The following CYYR1 variants were observed in gnomAD, a reference collection of about 807,000 sequenced individuals.
CYYR1 encodes the protein cysteine and tyrosine rich 1, also known as cysteine and tyrosine-rich protein 1.
A neutral mutation model predicts 15.2 loss-of-function variants in CYYR1; 14 were observed. The ratio of observed to expected loss-of-function variants is 0.92; its 90% CI spans 0.61 to 1.44. The LOEUF is 1.44. Among genes scored for constraint, CYYR1 ranks in the 40% most tolerant of loss-of-function variants. CYYR1 has a pLI of 0.00. For missense variants in CYYR1, 228 were observed against 209.5 expected (o/e 1.09, Z -0.54); for synonymous variants, 80 against 77.4 (o/e 1.03, Z -0.18).
intron 2 of CYYR1, among the ~76,000 whole-genome samples, chr21:26,546,682 T>C: frequency 6.6e-6 from 1 of 152,206 alleles, no homozygotes; most frequent in East Asian, 1.9e-4. Flanking sequence ...CATTTAAATA[T>C]CTTACTTTTG....
chr21:26,470,708 G>A (rs2065023062), intron 3 of CYYR1: 1 of 152,268 alleles, frequency 6.6e-6, no homozygotes, highest in Non-Finnish European at 1.5e-5. Flanking sequence ...CTTTATAGCA[G>A]TGTGAGAATG....
intron 2 of CYYR1, among the ~76,000 whole-genome samples, chr21:26,555,020 C>T (rs222964): frequency 0.8 from 121,017 of 152,068 alleles, 48,206 homozygotes; most frequent in East Asian, 0.87. Flanking sequence ...TATTCCCTGT[C>T]TACACATGAA....
At position 26,467,508 on chromosome 21, in the gene CYYR1, T is replaced by C. The variant is rs574397422; in HGVS notation, c.*993A>G. Reference sequence around the variant, plus strand: ...ATTTTTGCGAGTCTGTTGTGTATCTTCATGGTCAAGTTCTGAGATTTTTGC... The same window carrying C: ...ATTTTTGCGAGTCTGTTGTGTATCTCCATGGTCAAGTTCTGAGATTTTTGC... On this transcript the variant is annotated 3_prime_UTR_variant, in exon 4 of 4. Coordinates refer to ENST00000652641, the MANE Select transcript of CYYR1 (RefSeq NM_001320768.2). 75 of 152,310 alleles carry C rather than the reference T, an allele frequency of 4.9e-4. No individual in the cohort carries two copies. Among genetic ancestry groups the C allele is most frequent in the African/African-American group, 1.8e-3 (74 of 41,580 alleles). 9.4% of individuals were successfully genotyped at this position (152,310 alleles called of 1,614,324 possible). A position where few individuals can be genotyped will look rare whatever the true frequency, so the allele number is the denominator to read the frequency against.
chr21:26,566,734 G>T (rs149977792), intron 1 of CYYR1, among the ~76,000 whole-genome samples: 10 of 152,276 alleles, frequency 6.6e-5, no homozygotes, highest in Admixed American at 1.3e-4. Flanking sequence ...TCTTGGCCAG[G>T]CAAAATGGCT....
chr21:26,522,895 A>G (rs536261877), intron 2 of CYYR1, among the ~76,000 whole-genome samples: 12 of 152,336 alleles, frequency 7.9e-5, no homozygotes, highest in African/African-American at 2.4e-4. Context: ...ACAACAAACA[A>G]TAGGCATGAA....
chr21:26,529,990 C>T (rs116279196), intron 2 of CYYR1, among the ~76,000 whole-genome samples: 2,974 of 152,234 alleles, frequency 0.02, 111 homozygotes, highest in African/African-American at 0.068. Flanking sequence ...TATATATCAA[C>T]GGAAATACTG....
At chr21:26,472,696 A>G (rs145497070) in intron 3 of CYYR1, among the ~76,000 whole-genome samples, 1 of 152,224 alleles carries the variant, frequency 6.6e-6, no homozygotes, top group East Asian at 1.9e-4. Flanking sequence ...ACAAAATTAT[A>G]TATCTTTTAA....
intron 2 of CYYR1, among the ~76,000 whole-genome samples, chr21:26,520,576 T>C (rs562105834): frequency 6.6e-6 from 1 of 152,306 alleles, no homozygotes; most frequent in South Asian, 2.1e-4. Context: ...ATGATTTATG[T>C]TCCTTTGGGT....
At chr21:26,506,155 C>G (rs1331840276) in intron 2 of CYYR1, among the ~76,000 whole-genome samples, 1 of 152,156 alleles carries the variant, frequency 6.6e-6, no homozygotes, top group Admixed American at 6.5e-5. Context: ...TCAGATTTCC[C>G]TCTCCATCTA....
At chr21:26,482,058 T>C (rs1459982950) in intron 2 of CYYR1, among the ~76,000 whole-genome samples, 1 of 152,062 alleles carries the variant, frequency 6.6e-6, no homozygotes, top group African/African-American at 2.4e-5. Flanking sequence ...TTTCTCAATA[T>C]TATTATTACA....
intron 2 of CYYR1, chr21:26,551,106 G>A (rs1979354795): frequency 6.6e-6 from 1 of 152,660 alleles, no homozygotes; most frequent in Admixed American, 6.5e-5. Flanking sequence ...CTGTGCCTAT[G>A]TGCAACAAAG....
chr21:26,528,932 T>C (rs539874971), intron 2 of CYYR1, among the ~76,000 whole-genome samples: 1 of 152,128 alleles, frequency 6.6e-6, no homozygotes, highest in Non-Finnish European at 1.5e-5. Flanking sequence ...CTGGAACAGG[T>C]GGGCTAACAC....
At chr21:26,501,720 G>A (rs1254730261) in intron 2 of CYYR1, among the ~76,000 whole-genome samples, 1 of 151,940 alleles carries the variant, frequency 6.6e-6, no homozygotes, top group Non-Finnish European at 1.5e-5. Flanking sequence ...ATGTTATCTC[G>A]ATGGAAGGAT....
At chr21:26,472,577 G>C (rs1474558194) in intron 3 of CYYR1, among the ~76,000 whole-genome samples, 2 of 151,914 alleles carry the variant, frequency 1.3e-5, no homozygotes, top group African/African-American at 4.8e-5. Flanking sequence ...CTTGTCCACT[G>C]TTTGTTATTC....
At chr21:26,502,073 A>C (rs1429815026) in intron 2 of CYYR1, among the ~76,000 whole-genome samples, 1 of 152,186 alleles carries the variant, frequency 6.6e-6, no homozygotes, top group Non-Finnish European at 1.5e-5. Flanking sequence ...ACATCCTAAA[A>C]TATTTCATTC....
chr21:26,480,355 A>G lies in CYYR1; in HGVS notation c.251T>C (p.Ile84Thr), dbSNP rs2065159707. ...MGVIAGIAICICMCMKNHRAT... is the reference protein window; with the variant it reads ...MGVIAGIAICTCMCMKNHRAT... ...CCTGTGGTTCTTCATGCACATGCAG[A>G]TGCATATGGCAATCCCAGCAATGAC... The change falls in exon 3 of 4, where the codon ATC becomes ACC. Residue 84 changes from isoleucine (I) to threonine (T), a missense_variant. By Grantham distance (89) the Ile-to-Thr change is moderately conservative. Coordinates refer to ENST00000652641, the MANE Select transcript of CYYR1 (RefSeq NM_001320768.2). The G allele has an allele frequency of 6.2e-7, 1 of 1,613,540 alleles. No individual in the cohort carries two copies. Among genetic ancestry groups the G allele is most frequent in the Non-Finnish European group, 8.5e-7 (1 of 1,179,720 alleles).
chr21:26,566,433 T>A (rs1842784890), intron 1 of CYYR1, 65 bp from the exon 2 acceptor site: 1 of 1,285,064 alleles, frequency 7.8e-7, no homozygotes, highest in Non-Finnish European at 1.1e-6. Flanking sequence ...GAAAAATTAT[T>A]CTATTTCACA....
chr21:26,531,487 A>G (rs2065929897), intron 2 of CYYR1, among the ~76,000 whole-genome samples: 1 of 152,138 alleles, frequency 6.6e-6, no homozygotes, highest in Non-Finnish European at 1.5e-5. Flanking sequence ...TTATCATGAT[A>G]GAGTTTTCAC....
chr21:26,500,971 T>C (rs2065473849), intron 2 of CYYR1, among the ~76,000 whole-genome samples: 1 of 152,226 alleles, frequency 6.6e-6, no homozygotes, highest in Non-Finnish European at 1.5e-5. Context: ...TTGTACCATG[T>C]ACCATTTAGA....
Sources: gnomAD v4.1 joint callset for allele counts (sites outside exome capture counted in the v4.1 genomes callset) on GRCh38, gnomAD v4.1.1 for gene constraint, MANE v1.5 for transcripts, NCBI Gene and HGNC (gene_info 2026-07-23, HGNC 2026-07-21) for gene names.